Variants in ICE2 observed in about 807,000 individuals in gnomAD.
ICE2 encodes little elongation complex subunit 2.
A neutral mutation model predicts 105.4 loss-of-function variants in ICE2; 87 were observed. The ratio of observed to expected loss-of-function variants is 0.83; its 90% confidence interval spans 0.69 to 0.99. ICE2 has a LOEUF of 0.99. Ranked by LOEUF, ICE2 falls within the 50% of genes least tolerant of loss-of-function variation. The pLI is 0.00. For synonymous variants in ICE2, 399 were observed against 392.0 expected, an observed-to-expected ratio of 1.02 and a Z score of -0.21; for missense variants, 1,323 against 1,146.7, an observed-to-expected ratio of 1.15 and a Z score of -2.22.
At chr15:60,433,420 T>C (rs2063506837) in intron 13 of ICE2, among the ~76,000 whole-genome samples, 1 of 151,978 alleles carries the variant, frequency 6.6e-6, no homozygotes, top group African/African-American at 2.4e-5. Context: ...TTAGTAGTTC[T>C]TCTAGACCTA....
chr15:60,442,617 A>C (rs371053225), intron 11 of ICE2, 72 bp from the exon 12 acceptor site: 4 of 1,209,448 alleles, frequency 3.3e-6, no homozygotes, highest in African/African-American at 3.1e-5. Context: ...TTGCCTATAC[A>C]GCTTTGCCAC....
intron 12 of ICE2, chr15:60,441,427 GATTT>G (rs1302180677): frequency 1.3e-5 from 2 of 152,106 alleles, no homozygotes; most frequent in African/African-American, 4.8e-5. Context: ...ACCCTCATAG[GATTT>G]ATTACATACA....
At chr15:60,461,045 A>T (rs993321449) in intron 5 of ICE2, among the ~76,000 whole-genome samples, 4 of 142,638 alleles carry the variant, frequency 2.8e-5, no homozygotes, top group Non-Finnish European at 4.6e-5. Flanking sequence ...AGATACTAGT[A>T]GCATTCCACC....
At chr15:60,477,395 C>A (rs991456267) in intron 2 of ICE2, among the ~76,000 whole-genome samples, 3 of 152,146 alleles carry the variant, frequency 2.0e-5, no homozygotes, top group African/African-American at 7.2e-5. Flanking sequence ...AACATTTGAT[C>A]CTCCTTGGCT....
Position 60,449,349 on chromosome 15 carries a change from C to T in ICE2, c.1618G>A (p.Glu540Lys), listed in dbSNP as rs763434700. The T allele has an allele frequency of 1.2e-6, 2 of 1,613,176 alleles. No individual in the cohort carries two copies. Among genetic ancestry groups the T allele is most frequent in the Non-Finnish European group, 1.7e-6 (2 of 1,179,914 alleles). The change falls in exon 10 of 16, where the codon GAA becomes AAA. Residue 540 changes from glutamate (E) to lysine (K), a missense_variant. Physicochemically the swap from Glu to Lys is moderately conservative, Grantham distance 56. Coordinates refer to ENST00000261520, the MANE Select transcript of ICE2 (RefSeq NM_024611.6). ...MTIDILHADG[E>K]RPNVLENLDN... ...AGGTTTTCTAGAACATTAGGTCTTTCACCATCAGCATGTAATATATCTATA... is the reference window on the plus strand; with the variant it reads ...AGGTTTTCTAGAACATTAGGTCTTTTACCATCAGCATGTAATATATCTATA...
chr15:60,437,342 CT>C (rs987236956), intron 12 of ICE2, among the ~76,000 whole-genome samples: 2 of 149,898 alleles, frequency 1.3e-5, no homozygotes, highest in African/African-American at 4.9e-5. Flanking sequence ...CCAAGTTTTA[CT>C]TTTTTTTTGA....
At chr15:60,437,988 A>T (rs1355431220) in intron 12 of ICE2, 1 of 152,152 alleles carries the variant, frequency 6.6e-6, no homozygotes, top group African/African-American at 2.4e-5. Flanking sequence ...TCACAAACAC[A>T]ATATGAATCT....
intron 11 of ICE2, among the ~76,000 whole-genome samples, chr15:60,446,584 AG>A (rs2063827725): frequency 6.6e-6 from 1 of 152,008 alleles, no homozygotes; most frequent in Non-Finnish European, 1.5e-5. Flanking sequence ...CTTAGTAGAG[AG>A]GGGGTTTCAC....
intron 13 of ICE2, among the ~76,000 whole-genome samples, chr15:60,434,635 A>G (rs1404893617): frequency 6.6e-6 from 1 of 152,078 alleles, no homozygotes; most frequent in Non-Finnish European, 1.5e-5. Flanking sequence ...ACTGGAAGTC[A>G]TTATGTTAAA....
intron 3 of ICE2, among the ~76,000 whole-genome samples, chr15:60,471,294 AT>A (rs2064587277): frequency 6.6e-6 from 1 of 152,252 alleles, no homozygotes; most frequent in African/African-American, 2.4e-5. Flanking sequence ...AAAAATAAGC[AT>A]ATTTTAGGTA....
At chr15:60,466,373 G>C (rs756610255) in intron 5 of ICE2, among the ~76,000 whole-genome samples, 1 of 152,172 alleles carries the variant, frequency 6.6e-6, no homozygotes, top group African/African-American at 2.4e-5. Flanking sequence ...ACAGTAGCTG[G>C]ATTGTTAAAG....
At chr15:60,427,616 C>A (rs1212399751) in intron 15 of ICE2, among the ~76,000 whole-genome samples, 1 of 152,104 alleles carries the variant, frequency 6.6e-6, no homozygotes, top group Non-Finnish European at 1.5e-5. Context: ...GGGGTTTCAC[C>A]ATGTTGGTCA....
chr15:60,453,442 A>G (rs1324476991), intron 9 of ICE2, 161 bp downstream of exon 9: 33 of 1,402,144 alleles, frequency 2.4e-5, no homozygotes, highest in Non-Finnish European at 2.9e-5. Context: ...AGGGAGGTTA[A>G]GTTAGTTGCC....
intron 1 of ICE2, among the ~76,000 whole-genome samples, 182 bp from the exon 2 acceptor site, chr15:60,478,251 T>C (rs781596152): frequency 2.6e-5 from 4 of 152,174 alleles, no homozygotes; most frequent in Non-Finnish European, 4.4e-5. Flanking sequence ...CGAGCCCTTT[T>C]CCATTTAATC....
Position 60,448,124 on chromosome 15 carries a change from T to C in ICE2, c.2141A>G (p.Asp714Gly). ...PKGRLPYELQDYVEDTSEYLA... is the reference protein window; with the variant it reads ...PKGRLPYELQGYVEDTSEYLA... The stretch of plus-strand genomic sequence containing the variant: ...GTATTCCGATGTATCTTCAACATAG[T>C]CCTGAAGTTCATATGGCAATCCTTT... Residue 714 changes from aspartate (D) to glycine (G), a missense_variant, in exon 11 of 16, where the codon GAC (aspartate) becomes GGC (glycine). Coordinates refer to ENST00000261520, the MANE Select transcript of ICE2 (RefSeq NM_024611.6). The C allele has an allele frequency of 6.2e-7, 1 of 1,609,792 alleles. No homozygotes were observed. Among genetic ancestry groups the C allele is most frequent in the Non-Finnish European group, 8.5e-7 (1 of 1,177,326 alleles).
At position 60,420,373 on chromosome 15, in the gene ICE2, G is replaced by C. The variant is rs538728137; in HGVS notation, c.*3261C>G. On this transcript the variant is annotated 3_prime_UTR_variant, in exon 16 of 16. Coordinates refer to ENST00000261520, the MANE Select transcript of ICE2 (RefSeq NM_024611.6). ...CTTGCTGCTTTAATTCTGGGCCATT[G>C]CCATTTTTCAGTTACTACAACACAG... 2.6e-5 allele frequency: 4 copies of C among 151,152 alleles called. No individual in the cohort carries two copies. The highest frequency in any genetic ancestry group is 9.7e-5 in the African/African-American group (4 of 41,132). The allele number at this position is 151,152 out of a possible 1,614,324, so 9.4% of individuals were successfully genotyped here.
chr15:60,457,390 T>G (rs1411699748), intron 5 of ICE2, among the ~76,000 whole-genome samples: 1 of 152,116 alleles, frequency 6.6e-6, no homozygotes, highest in Non-Finnish European at 1.5e-5. Context: ...ATAGAAACAA[T>G]TCAGAGATGC....
chr15:60,428,339 T>G, intron 15 of ICE2, 90 bp downstream of exon 15: 11 of 1,338,318 alleles, frequency 8.2e-6, no homozygotes, highest in Non-Finnish European at 9.3e-6. Flanking sequence ...AATATGACAA[T>G]GAGAACATCA....
chr15:60,473,777 A>G (rs575272864), intron 3 of ICE2, among the ~76,000 whole-genome samples: 10 of 152,396 alleles, frequency 6.6e-5, no homozygotes, highest in Non-Finnish European at 1.2e-4. Context: ...AAATATCCAT[A>G]AATGTACATA....
Sources: allele counts gnomAD v4.1 joint callset (sites outside exome capture counted in the v4.1 genomes callset), GRCh38; gene constraint gnomAD v4.1.1; transcripts MANE v1.5; gene names NCBI Gene and HGNC (gene_info 2026-07-23, HGNC 2026-07-21).